Variants in SEPTIN7 observed in about 807,000 individuals in gnomAD.
The protein encoded by SEPTIN7 is septin-7.
SEPTIN7 carries 10 observed loss-of-function variants against 63.3 expected under a neutral mutation model. The observed-to-expected ratio is 0.16, with a 90% CI of 0.10 to 0.27. The LOEUF (loss-of-function observed/expected upper bound fraction) is 0.27, where lower values mean the gene tolerates loss of function less well. Among genes scored for constraint, SEPTIN7 ranks in the 10% least tolerant of loss-of-function variants. SEPTIN7 has a pLI of 1.00. For synonymous variants in SEPTIN7, 131 were observed against 165.3 expected (o/e 0.79, Z 1.59); for missense variants, 310 against 521.0 (o/e 0.59, Z 3.94).
At chr7:35,913,093 C>T in the SEPTIN7 span, among the ~76,000 whole-genome samples, 11 of 152,134 alleles carry the variant, frequency 7.2e-5, no homozygotes, top group Admixed American at 3.3e-4. Flanking sequence ...GTTAACAATA[C>T]CTAGCCAGTA....
chr7:35,906,679 A>G lies in SEPTIN7; in HGVS notation c.*2386A>G, dbSNP rs1291962610. 1 of 152,226 alleles carries G rather than the reference A, an allele frequency of 6.6e-6. No homozygotes were observed. The highest frequency in any genetic ancestry group is 2.4e-5 in the African/African-American group (1 of 41,462). The allele number at this position is 152,226 out of a possible 1,614,324, so 9.4% of individuals were successfully genotyped here. ...TGCTTCCATATCAGGTTCACAAGCA[A>G]GTTAAGTGGGCACAGTTTATTTCTG... On this transcript the variant is annotated 3_prime_UTR_variant, in exon 14 of 14. Coordinates refer to ENST00000350320, the MANE Select transcript of SEPTIN7 (RefSeq NM_001788.6).
the SEPTIN7 span, among the ~76,000 whole-genome samples, chr7:35,915,520 T>TGTGAA: frequency 6.6e-6 from 1 of 152,244 alleles, no homozygotes; most frequent in Non-Finnish European, 1.5e-5. Flanking sequence ...CCTCTGTTAA[T>TGTGAA]GTTACGAAAT....
chr7:35,889,193 T>C (rs934809007), intron 10 of SEPTIN7, among the ~76,000 whole-genome samples: 2 of 152,224 alleles, frequency 1.3e-5, no homozygotes, highest in African/African-American at 4.8e-5. Flanking sequence ...TGACGAGAGA[T>C]TGACAAATTA....
intron 3 of SEPTIN7, among the ~76,000 whole-genome samples, chr7:35,850,092 T>A (rs1784888278): frequency 6.6e-6 from 1 of 152,212 alleles, no homozygotes; most frequent in Non-Finnish European, 1.5e-5. Flanking sequence ...CTTCAAAGTA[T>A]TCTTGGAAAC....
intron 10 of SEPTIN7, among the ~76,000 whole-genome samples, chr7:35,887,465 G>T (rs1455484948): frequency 1.3e-5 from 2 of 152,208 alleles, no homozygotes; most frequent in African/African-American, 4.8e-5. Context: ...TCCTGCCTCA[G>T]CTTCCTGAGT....
At chr7:35,828,455 A>T (rs987034012) in intron 1 of SEPTIN7, among the ~76,000 whole-genome samples, 7 of 152,004 alleles carry the variant, frequency 4.6e-5, no homozygotes, top group Admixed American at 2.6e-4. Flanking sequence ...AGCTCACTGC[A>T]ACCTCTGCCT....
Position 35,839,523 on chromosome 7 carries a change from T to TTTATGTTATGTTATGTTATG in SEPTIN7, c.169+6648_169+6667dup, listed in dbSNP as rs59165377. On this transcript the variant is annotated intron_variant, in intron 3 of 13. Coordinates refer to ENST00000350320, the MANE Select transcript of SEPTIN7 (RefSeq NM_001788.6). ...ATGGAATATGCTATAATTTTTGTAA[T>TTTATGTTATGTTATGTTATG]TTATGTTATGTTATGTTATGTTATG... is the stretch of plus-strand genomic sequence containing the variant. 6.0e-3 allele frequency among the ~76,000 whole-genome samples: 886 copies of TTTATGTTATGTTATGTTATG among 148,298 alleles called. 8 individuals carry two copies. Among genetic ancestry groups the TTTATGTTATGTTATGTTATG allele is most frequent in the Non-Finnish European group, 8.4e-3 (562 of 67,210 alleles).
chr7:35,904,637 T>C lies in SEPTIN7; in HGVS notation c.*344T>C, dbSNP rs536146116. The C allele has an allele frequency of 1.7e-5, 3 of 174,792 alleles. No homozygotes were observed. Among genetic ancestry groups the C allele is most frequent in the African/African-American group, 7.0e-5 (3 of 42,626 alleles). The allele number at this position is 174,792 out of a possible 1,614,324, so 10.8% of individuals were successfully genotyped here. A position where few individuals can be genotyped will look rare whatever the true frequency, so the allele number is the denominator to read the frequency against. Reference sequence around the variant, plus strand: ...AGGATATTCCAAAATAAAAGGACTCTGGAAGATTTTCATTGAGGATAAATT... The same window carrying C: ...AGGATATTCCAAAATAAAAGGACTCCGGAAGATTTTCATTGAGGATAAATT... On this transcript the variant is annotated 3_prime_UTR_variant, in exon 14 of 14. Coordinates refer to ENST00000350320, the MANE Select transcript of SEPTIN7 (RefSeq NM_001788.6).
At position 35,825,608 on chromosome 7, in the gene SEPTIN7, C is replaced by T. The variant is rs552580338; in HGVS notation, c.62-5884C>T. 5.9e-5 allele frequency among the ~76,000 whole-genome samples: 9 copies of T among 152,214 alleles called. 1 individual carries two copies. Among genetic ancestry groups the T allele is most frequent in the Middle Eastern group, 6.8e-3 (2 of 294 alleles). Reference sequence around the variant, plus strand: ...TTATCACTGAATTATTTTAATTGTCCTCTAGCTTATCTCACCTCCCTATTA... The same window carrying T: ...TTATCACTGAATTATTTTAATTGTCTTCTAGCTTATCTCACCTCCCTATTA... On this transcript the variant is annotated intron_variant, in intron 1 of 13. Transcript: ENST00000350320.
At chr7:35,866,470 C>T (rs917598994) in intron 4 of SEPTIN7, among the ~76,000 whole-genome samples, 1 of 152,004 alleles carries the variant, frequency 6.6e-6, no homozygotes, top group African/African-American at 2.4e-5. Context: ...AGAAGACAAA[C>T]GTTTATGAAA....
chr7:35,895,854 A>G (rs1787929034), intron 11 of SEPTIN7, among the ~76,000 whole-genome samples: 1 of 152,222 alleles, frequency 6.6e-6, no homozygotes, highest in African/African-American at 2.4e-5. Flanking sequence ...TCTGTCAGCC[A>G]GGCTGGAGTA....
chr7:35,886,259 G>A (rs1301996122), intron 10 of SEPTIN7, among the ~76,000 whole-genome samples: 6 of 152,204 alleles, frequency 3.9e-5, no homozygotes, highest in African/African-American at 9.6e-5. Flanking sequence ...GTTAAAAGGT[G>A]CACAGCCTGG....
intron 1 of SEPTIN7, among the ~76,000 whole-genome samples, chr7:35,827,115 C>T (rs1165032771): frequency 1.3e-5 from 2 of 152,102 alleles, no homozygotes; most frequent in Non-Finnish European, 2.9e-5. Context: ...ACAGATTTAA[C>T]ATCTAAAAGA....
chr7:35,804,787 T>G (rs1236963657), intron 1 of SEPTIN7, among the ~76,000 whole-genome samples: 1 of 152,030 alleles, frequency 6.6e-6, no homozygotes, highest in African/African-American at 2.4e-5. Flanking sequence ...GTTATTGTAC[T>G]GACTACTGTA....
intron 9 of SEPTIN7, 105 bp downstream of exon 9, chr7:35,884,092 A>G (rs1442463991): frequency 4.9e-6 from 3 of 610,570 alleles, no homozygotes; most frequent in East Asian, 2.9e-5. Context: ...GATATAGTCT[A>G]GATTTTCAAG....
At chr7:35,884,073 C>T (rs1583621001) in intron 9 of SEPTIN7, 86 bp downstream of exon 9, 2 of 751,014 alleles carry the variant, frequency 2.7e-6, no homozygotes, top group Non-Finnish European at 4.7e-6. Flanking sequence ...ACAGTATGCA[C>T]ACTGTATTGA....
At chr7:35,888,333 CTT>C (rs1346741985) in intron 10 of SEPTIN7, among the ~76,000 whole-genome samples, 2 of 152,056 alleles carry the variant, frequency 1.3e-5, no homozygotes, top group Admixed American at 6.6e-5. Context: ...GTATAGAAGA[CTT>C]TAGTGATTTT....
intron 3 of SEPTIN7, among the ~76,000 whole-genome samples, chr7:35,841,277 A>G (rs559794029): frequency 2.1e-4 from 32 of 152,294 alleles, no homozygotes; most frequent in Admixed American, 3.9e-4. Context: ...CTGGATTGAC[A>G]TATGTAAGAA....
intron 3 of SEPTIN7, among the ~76,000 whole-genome samples, chr7:35,839,481 G>A (rs1310505597): frequency 6.6e-6 from 1 of 152,042 alleles, no homozygotes. Flanking sequence ...ATGGCTATAT[G>A]TGTATTCTAA....
Sources: allele counts gnomAD v4.1 joint callset (sites outside exome capture counted in the v4.1 genomes callset), GRCh38; gene constraint gnomAD v4.1.1; transcripts MANE v1.5; gene names NCBI Gene and HGNC (gene_info 2026-07-23, HGNC 2026-07-21).